The following PET117 variants were observed in gnomAD, a reference collection of about 807,000 sequenced individuals.
PET117 encodes the protein protein PET117 homolog, mitochondrial.
PET117 carries 10 observed loss-of-function variants against 9.2 expected under a neutral mutation model. That is an observed-to-expected ratio of 1.09 (90% CI 0.67 to 1.85). PET117 has a LOEUF of 1.85. Ranked by LOEUF, PET117 falls within the 40% of genes most tolerant of loss-of-function variation. The pLI, the probability that PET117 is intolerant of heterozygous loss-of-function variation, is 0.00. For synonymous variants in PET117, 43 were observed against 37.1 expected, an observed-to-expected ratio of 1.16 and a Z score of -0.57; for missense variants, 96 against 98.2, an observed-to-expected ratio of 0.98 and a Z score of 0.09.
At chr20:18,141,391 T>C (rs899787914) in intron 1 of PET117, among the ~76,000 whole-genome samples, 2 of 152,174 alleles carry the variant, frequency 1.3e-5, no homozygotes, top group African/African-American at 2.4e-5. Context: ...TTCTCTGTTA[T>C]ATAATTAATT....
Position 18,138,068 on chromosome 20 carries a change from C to T in PET117, c.96+17C>T, listed in dbSNP as rs1199429206. On this transcript the variant is annotated intron_variant, in intron 1 of 1. Transcript: ENST00000432901. ...GACCAGCAGGTCGGTGTCACGTGACCGTCTCTTCCGGGCCCGCGCGCGCGG... is the reference window on the plus strand; with the variant it reads ...GACCAGCAGGTCGGTGTCACGTGACTGTCTCTTCCGGGCCCGCGCGCGCGG... 1.2e-5 allele frequency: 17 copies of T among 1,460,744 alleles called. No individual in the cohort carries two copies. Among genetic ancestry groups the T allele is most frequent in the African/African-American group, 1.5e-5 (1 of 67,684 alleles). 90.5% of individuals were successfully genotyped at this position (1,460,744 alleles called of 1,614,324 possible).
intron 1 of PET117, among the ~76,000 whole-genome samples, chr20:18,140,766 C>T (rs1236498494): frequency 1.5e-5 from 2 of 136,122 alleles, no homozygotes; most frequent in East Asian, 2.4e-4. Flanking sequence ...GAGCTAAGAT[C>T]GTGCCATGGA....
intron 1 of PET117, 96 bp from the exon 2 acceptor site, chr20:18,142,112 G>C: frequency 6.4e-6 from 8 of 1,254,966 alleles, no homozygotes; most frequent in Non-Finnish European, 8.5e-6. Context: ...AAAGTTTTAA[G>C]TATATTTTGG....
At chr20:18,138,315 A>C (rs1176597744) in intron 1 of PET117, 1 of 1,165,238 alleles carries the variant, frequency 8.6e-7, no homozygotes, top group East Asian at 4.0e-5. Context: ...CTCCGCGCTG[A>C]AGGGGCCTTG....
At chr20:18,141,112 C>T (rs1373154118) in intron 1 of PET117, among the ~76,000 whole-genome samples, 1 of 143,488 alleles carries the variant, frequency 7.0e-6, no homozygotes, top group African/African-American at 2.6e-5. Flanking sequence ...CTTCTGAGCT[C>T]AAGCAGTCTG....
At chr20:18,138,173 G>GCCCTGCAC in intron 1 of PET117, 122 bp downstream of exon 1, 1 of 1,299,704 alleles carries the variant, frequency 7.7e-7, no homozygotes, top group South Asian at 2.2e-5. Flanking sequence ...CGGTGGCGCG[G>GCCCTGCAC]CCCTGCACCC....
chr20:18,139,997 T>C (rs1161569242), intron 1 of PET117, among the ~76,000 whole-genome samples: 1 of 152,028 alleles, frequency 6.6e-6, no homozygotes, highest in Non-Finnish European at 1.5e-5. Flanking sequence ...GTTAGAAAGG[T>C]AGTTCAGTGA....
rs535284998 is a variant in PET117, at chr20:18,143,030, T to A, written c.*673T>A. 6.9e-7 allele frequency: 1 copy of A among 1,457,594 alleles called. No homozygotes were observed. Among genetic ancestry groups the A allele is most frequent in the Admixed American group, 2.7e-5 (1 of 37,708 alleles). The allele number at this position is 1,457,594 out of a possible 1,614,324, so 90.3% of individuals were successfully genotyped here. A position where few individuals can be genotyped will look rare whatever the true frequency, so the allele number is the denominator to read the frequency against. On this transcript the variant is annotated 3_prime_UTR_variant, in exon 2 of 2. Coordinates refer to ENST00000432901, the MANE Select transcript of PET117 (RefSeq NM_001164811.2). ...AGAGACCTAAATAAAAGGATAATTA[T>A]ATTTATTCTCTAGTTGATCAGCTAT...
At position 18,138,095 on chromosome 20, in the gene PET117, G is replaced by C; in HGVS notation, c.96+44G>C. On this transcript the variant is annotated intron_variant, in intron 1 of 1. Transcript: ENST00000432901. ...TCTCTTCCGGGCCCGCGCGCGCGGCGTCGACCTGGGGCCTCTCGTGGTCTC... is the reference window on the plus strand; with the variant it reads ...TCTCTTCCGGGCCCGCGCGCGCGGCCTCGACCTGGGGCCTCTCGTGGTCTC... 2.1e-6 allele frequency: 3 copies of C among 1,436,136 alleles called. No individual in the cohort carries two copies. The Admixed American group carries it at 8.3e-5, about 40-fold the overall frequency. The allele number at this position is 1,436,136 out of a possible 1,614,324, so 89.0% of individuals were successfully genotyped here.
chr20:18,143,129 C>T lies in PET117; in HGVS notation c.*772C>T, dbSNP rs2037653955. On this transcript the variant is annotated 3_prime_UTR_variant, in exon 2 of 2. Coordinates refer to ENST00000432901, the MANE Select transcript of PET117 (RefSeq NM_001164811.2). The stretch of plus-strand genomic sequence containing the variant: ...AACCTCTATCACATTGTTAAATTAA[C>T]ACTTTTGGTGGTAACTCAATAAAAT... The T allele has an allele frequency of 7.6e-7, 1 of 1,308,026 alleles. No homozygotes were observed. Among genetic ancestry groups the T allele is most frequent in the Non-Finnish European group, 9.8e-7 (1 of 1,025,346 alleles). 81.0% of individuals were successfully genotyped at this position (1,308,026 alleles called of 1,614,324 possible). A position where few individuals can be genotyped will look rare whatever the true frequency, so the allele number is the denominator to read the frequency against.
chr20:18,138,099 A>T (rs957139434), intron 1 of PET117, 48 bp downstream of exon 1: 1 of 1,425,354 alleles, frequency 7.0e-7, no homozygotes, highest in East Asian at 3.0e-5. Flanking sequence ...CGCGGCGTCG[A>T]CCTGGGGCCT....
chr20:18,137,863 G>C lies in PET117; in HGVS notation c.-93G>C. ...GCTGGGGCTCTGCGCTCGAGGGGTCGAGCCTGGGCAGTACAGGCGGCGGTG... is the reference window on the plus strand; with the variant it reads ...GCTGGGGCTCTGCGCTCGAGGGGTCCAGCCTGGGCAGTACAGGCGGCGGTG... On this transcript the variant is annotated 5_prime_UTR_variant, in exon 1 of 2. Coordinates refer to ENST00000432901, the MANE Select transcript of PET117 (RefSeq NM_001164811.2). The C allele has an allele frequency of 7.9e-7, 1 of 1,270,020 alleles. No individual in the cohort carries two copies. The allele number at this position is 1,270,020 out of a possible 1,614,324, so 78.7% of individuals were successfully genotyped here. A position where few individuals can be genotyped will look rare whatever the true frequency, so the allele number is the denominator to read the frequency against.
Position 18,138,027 on chromosome 20 carries a change from T to G in PET117, c.72T>G (p.His24Gln). The stretch of plus-strand genomic sequence containing the variant: ...CGGCGGCCACAGTGGCCGGCGTACA[T>G]GTGAAGCAGCAGTGGGACCAGCAGG... ...LLTAATVAGV[H>Q]VKQQWDQQRL... Residue 24 changes from histidine (H) to glutamine (Q), a missense_variant, in exon 1 of 2, where the codon CAT becomes CAG. Coordinates refer to ENST00000432901, the MANE Select transcript of PET117 (RefSeq NM_001164811.2). 6.7e-7 allele frequency: 1 copy of G among 1,493,152 alleles called. No homozygotes were observed. The highest frequency in any genetic ancestry group is 8.9e-7 in the Non-Finnish European group (1 of 1,128,030). The allele number at this position is 1,493,152 out of a possible 1,614,324, so 92.5% of individuals were successfully genotyped here.
At chr20:18,140,011 T>G (rs1194789411) in intron 1 of PET117, among the ~76,000 whole-genome samples, 3 of 152,038 alleles carry the variant, frequency 2.0e-5, no homozygotes, top group Non-Finnish European at 4.4e-5. Flanking sequence ...TCAGTGAGGG[T>G]CACAGGAAGG....
Position 18,142,956 on chromosome 20 carries a change from C to T in PET117, c.*599C>T, listed in dbSNP as rs990784404. The T allele has an allele frequency of 6.2e-7, 1 of 1,601,324 alleles. No homozygotes were observed. The highest frequency in any genetic ancestry group is 8.5e-7 in the Non-Finnish European group (1 of 1,169,930). On this transcript the variant is annotated 3_prime_UTR_variant, in exon 2 of 2. Transcript: ENST00000432901. The stretch of plus-strand genomic sequence containing the variant: ...CTCAATTCCTTTGATTTGTCAATTC[C>T]TGTGTGAAGGTTTGTTTTTCCAACC...
intron 1 of PET117, among the ~76,000 whole-genome samples, chr20:18,139,328 G>A (rs1180443053): frequency 6.6e-6 from 1 of 152,218 alleles, no homozygotes; most frequent in Admixed American, 6.5e-5. Flanking sequence ...TTGAGATGGA[G>A]TAAAATTTAG....
At chr20:18,139,672 GTGTT>G (rs1166218593) in intron 1 of PET117, among the ~76,000 whole-genome samples, 5 of 85,596 alleles carry the variant, frequency 5.8e-5, no homozygotes, top group Admixed American at 1.3e-4. Flanking sequence ...GTGTGTGTGT[GTGTT>G]TATTTTTTTT....
At position 18,142,737 on chromosome 20, in the gene PET117, G is replaced by A. The variant is rs1219496895; in HGVS notation, c.*380G>A. 1 of 1,614,108 alleles carries A rather than the reference G, an allele frequency of 6.2e-7. No homozygotes were observed. Among genetic ancestry groups the A allele is most frequent in the Admixed American group, 1.7e-5 (1 of 60,008 alleles). ...GCCACGAGAACATCGACCTCAGAAGGACTGGAGGAAGGTGAAGTGGAGGGA... is the reference window on the plus strand; with the variant it reads ...GCCACGAGAACATCGACCTCAGAAGAACTGGAGGAAGGTGAAGTGGAGGGA... On this transcript the variant is annotated 3_prime_UTR_variant, in exon 2 of 2. Coordinates refer to ENST00000432901, the MANE Select transcript of PET117 (RefSeq NM_001164811.2).
At chr20:18,139,633 CGTGTGT>C (rs71194228) in intron 1 of PET117, among the ~76,000 whole-genome samples, 3,962 of 141,620 alleles carry the variant, frequency 0.028, 63 homozygotes, top group Middle Eastern at 0.08. Flanking sequence ...ACCAAAATAA[CGTGTGT>C]GTGTGTGTGT....
Sources: gnomAD v4.1 joint callset for allele counts (sites outside exome capture counted in the v4.1 genomes callset) on GRCh38, gnomAD v4.1.1 for gene constraint, MANE v1.5 for transcripts, NCBI Gene and HGNC (gene_info 2026-07-23, HGNC 2026-07-21) for gene names.